LIMCH1: variants seen among roughly 807,000 people sequenced by gnomAD.
The protein encoded by LIMCH1 is LIM and calponin homology domains-containing protein 1.
A neutral mutation model predicts 176.5 loss-of-function variants in LIMCH1; 113 were observed. The observed-to-expected ratio is 0.64, with a 90% CI of 0.55 to 0.75. The LOEUF is 0.75. Among genes scored for constraint, LIMCH1 ranks in the 30% least tolerant of loss-of-function variants. The pLI, the probability that LIMCH1 is intolerant of heterozygous loss-of-function variation, is 0.00. For synonymous variants in LIMCH1, 619 were observed against 645.9 expected, an observed-to-expected ratio of 0.96 and a Z score of 0.63; for missense variants, 1,674 against 1,814.9, an observed-to-expected ratio of 0.92 and a Z score of 1.41.
At chr4:41,685,645 G>A in intron 27 of LIMCH1, 65 bp from the exon 28 acceptor site, 1 of 1,594,038 alleles carries the variant, frequency 6.3e-7, no homozygotes, top group Non-Finnish European at 8.6e-7. Flanking sequence ...TTAAAGAAAG[G>A]TGACTTCCTA....
intron 1 of LIMCH1, among the ~76,000 whole-genome samples, chr4:41,460,083 G>T (rs2065103212): frequency 1.3e-5 from 2 of 152,122 alleles, no homozygotes; most frequent in South Asian, 4.2e-4. Flanking sequence ...CAGAGAGGGG[G>T]TGTGGGCAGT....
intron 1 of LIMCH1, among the ~76,000 whole-genome samples, chr4:41,593,835 A>G (rs1267911855): frequency 6.6e-6 from 1 of 152,218 alleles, no homozygotes; most frequent in Non-Finnish European, 1.5e-5. Flanking sequence ...CCTTTATAGA[A>G]AAAGTTGACT....
chr4:41,389,827 T>G (rs1321526379), intron 1 of LIMCH1, among the ~76,000 whole-genome samples: 1 of 152,180 alleles, frequency 6.6e-6, no homozygotes, highest in African/African-American at 2.4e-5. Context: ...TGTGAGCCAT[T>G]GCTCCAGATC....
intron 2 of LIMCH1, among the ~76,000 whole-genome samples, chr4:41,506,318 A>G (rs2074151613): frequency 6.6e-6 from 1 of 152,168 alleles, no homozygotes; most frequent in East Asian, 1.9e-4. Flanking sequence ...TCTTGTCATG[A>G]TTTCAGCATG....
intron 1 of LIMCH1, among the ~76,000 whole-genome samples, chr4:41,550,117 T>G (rs1395410712): frequency 6.6e-6 from 1 of 151,768 alleles, no homozygotes; most frequent in Non-Finnish European, 1.5e-5. Context: ...ACCCCCAGTA[T>G]CCTCAGTGTG....
intron 1 of LIMCH1, among the ~76,000 whole-genome samples, chr4:41,423,716 G>A (rs2060827636): frequency 6.6e-6 from 1 of 152,190 alleles, no homozygotes; most frequent in Non-Finnish European, 1.5e-5. Flanking sequence ...AAATATTCTG[G>A]TGTCTGTGAT....
At chr4:41,524,086 C>T (rs1309394505) in intron 2 of LIMCH1, among the ~76,000 whole-genome samples, 1 of 152,192 alleles carries the variant, frequency 6.6e-6, no homozygotes, top group Admixed American at 6.5e-5. Context: ...GTTGTAATAC[C>T]TGGTTCCAGT....
intron 2 of LIMCH1, among the ~76,000 whole-genome samples, chr4:41,504,919 G>A (rs1359625236): frequency 1.3e-5 from 2 of 152,224 alleles, no homozygotes; most frequent in Non-Finnish European, 2.9e-5. Context: ...GTTCAACCTA[G>A]TAGATGGAGC....
At chr4:41,478,744 C>T (rs2068112417) in intron 1 of LIMCH1, among the ~76,000 whole-genome samples, 1 of 152,206 alleles carries the variant, frequency 6.6e-6, no homozygotes, top group Non-Finnish European at 1.5e-5. Flanking sequence ...TTCCCATCCT[C>T]ATTGGTAACG....
upstream of LIMCH1, among the ~76,000 whole-genome samples, chr4:41,534,643 G>A (rs2077679068): frequency 6.6e-6 from 1 of 152,160 alleles, no homozygotes; most frequent in Non-Finnish European, 1.5e-5. Flanking sequence ...ATTGGACTAG[G>A]TTAATGGATG....
intron 3 of LIMCH1, among the ~76,000 whole-genome samples, chr4:41,605,470 G>A (rs929042323): frequency 6.6e-6 from 1 of 152,266 alleles, no homozygotes; most frequent in Admixed American, 6.5e-5. Context: ...GTGCCCACAA[G>A]TAGAAATTAT....
At chr4:41,577,953 G>T (rs973148168) in intron 1 of LIMCH1, among the ~76,000 whole-genome samples, 4 of 152,088 alleles carry the variant, frequency 2.6e-5, no homozygotes, top group Non-Finnish European at 4.4e-5. Flanking sequence ...TGTTGCAATG[G>T]GCATTCTTTC....
chr4:41,602,621 A>G (rs1451649178), intron 2 of LIMCH1, among the ~76,000 whole-genome samples: 3 of 152,122 alleles, frequency 2.0e-5, no homozygotes, highest in African/African-American at 7.2e-5. Context: ...GATGGAGACC[A>G]ACATGGTGAA....
At chr4:41,370,345 T>C (rs140462479) in intron 1 of LIMCH1, among the ~76,000 whole-genome samples, 93 of 152,196 alleles carry the variant, frequency 6.1e-4, no homozygotes, top group Admixed American at 3.3e-3. Context: ...TTTATTATAG[T>C]GGTCACCTGT....
chr4:41,659,146 G>A (rs2094543030), intron 18 of LIMCH1, among the ~76,000 whole-genome samples: 1 of 151,882 alleles, frequency 6.6e-6, no homozygotes, highest in South Asian at 2.1e-4. Context: ...ACACACACAT[G>A]TACCATAACC....
At chr4:41,532,915 G>C (rs1354457582) in intron 3 of LIMCH1, among the ~76,000 whole-genome samples, 1 of 152,150 alleles carries the variant, frequency 6.6e-6, no homozygotes, top group African/African-American at 2.4e-5. Context: ...TATGAGCAAG[G>C]CTTAGCTGGG....
chr4:41,489,244 T>C (rs1031471624), intron 1 of LIMCH1, among the ~76,000 whole-genome samples: 2 of 152,178 alleles, frequency 1.3e-5, no homozygotes, highest in Non-Finnish European at 1.5e-5. Context: ...CTAAATTTTA[T>C]TGATCTCACA....
chr4:41,557,428 G>A (rs1042366875), intron 1 of LIMCH1, among the ~76,000 whole-genome samples: 1 of 152,120 alleles, frequency 6.6e-6, no homozygotes, highest in African/African-American at 2.4e-5. Context: ...ATCGATGGAA[G>A]AGATGATTTT....
chr4:41,414,389 T>TTCTCAA, intron 1 of LIMCH1, among the ~76,000 whole-genome samples: 1 of 152,322 alleles, frequency 6.6e-6, no homozygotes, highest in Non-Finnish European at 1.5e-5. Context: ...CCTTAAAAAC[T>TTCTCAA]GTTTTCCTCT....
Sources: gnomAD v4.1 joint callset for allele counts (sites outside exome capture counted in the v4.1 genomes callset) on GRCh38, gnomAD v4.1.1 for gene constraint, MANE v1.5 for transcripts, NCBI Gene and HGNC (gene_info 2026-07-23, HGNC 2026-07-21) for gene names.